NFE2L2: variants seen among roughly 807,000 people sequenced by gnomAD.
NFE2L2 encodes the protein nuclear factor erythroid 2-related factor 2.
In NFE2L2, 20 loss-of-function variants were observed where a neutral mutation model predicts 49.6. The observed-to-expected ratio is 0.40, with a 90% CI of 0.28 to 0.59. The LOEUF (loss-of-function observed/expected upper bound fraction) is 0.59, where lower values mean the gene tolerates loss of function less well. Among genes scored for constraint, NFE2L2 ranks in the 20% least tolerant of loss-of-function variants. NFE2L2 has a pLI of 0.40. For missense variants in NFE2L2, 578 were observed against 714.2 expected (o/e 0.81, Z 2.17); for synonymous variants, 244 against 256.5 (o/e 0.95, Z 0.47).
chr2:177,244,832 A>G (rs541746997), intron 1 of NFE2L2, among the ~76,000 whole-genome samples: 7 of 151,622 alleles, frequency 4.6e-5, no homozygotes, highest in Non-Finnish European at 8.8e-5. Flanking sequence ...GTGAAACCCC[A>G]TCTCTACTAA....
At chr2:177,247,102 G>A (rs1016055062) in intron 1 of NFE2L2, among the ~76,000 whole-genome samples, 4 of 152,074 alleles carry the variant, frequency 2.6e-5, no homozygotes, top group Admixed American at 2.0e-4. Context: ...ATACTTAAAA[G>A]TGGAGTTGCT....
At position 177,233,237 on chromosome 2, in the gene NFE2L2, T is replaced by C. The variant is rs191231706; in HGVS notation, c.402+13A>G. 8.4e-5 allele frequency: 132 copies of C among 1,577,944 alleles called. No individual in the cohort carries two copies. In the East Asian group the frequency reaches 2.3e-3, roughly 28 times the overall value. On this transcript the variant is annotated intron_variant, in intron 3 of 4. Transcript: ENST00000397062. ...TGGAGTTTTTCTATTAACCAGGTTA[T>C]TTTATACCTCACCTCATTGTCATCT...
chr2:177,236,431 A>G (rs1026837738), intron 1 of NFE2L2, among the ~76,000 whole-genome samples: 2 of 152,250 alleles, frequency 1.3e-5, no homozygotes, highest in Non-Finnish European at 2.9e-5. Context: ...ATACCTCACT[A>G]GGACATACCT....
chr2:177,235,995 A>G (rs1689735869), intron 1 of NFE2L2, among the ~76,000 whole-genome samples: 1 of 152,236 alleles, frequency 6.6e-6, no homozygotes, highest in South Asian at 2.1e-4. Flanking sequence ...CATTCCACAA[A>G]TCACCTATAG....
Position 177,230,820 on chromosome 2 carries a change from G to T in NFE2L2, c.1783C>A (p.Pro595Thr). The T allele has an allele frequency of 6.3e-7, 1 of 1,591,012 alleles. No individual in the cohort carries two copies. The highest frequency in any genetic ancestry group is 1.2e-5 in the South Asian group (1 of 85,644). The change falls in exon 5 of 5, where the codon CCC becomes ACC. Residue 595 changes from proline (P) to threonine (T), a missense_variant. By Grantham distance (38) the Pro-to-Thr change is conservative. Transcript: ENST00000397062. ...TTAACATCTGGCTTCTTACTTTTGG[G>T]AACAAGGAAAACATTGCCATCTCTT... ...QTRDGNVFLV[P>T]KSKKPDVKKN
chr2:177,264,308 G>A, intron 1 of NFE2L2: 2 of 487,312 alleles, frequency 4.1e-6, no homozygotes, highest in South Asian at 3.0e-5. Context: ...CTTCCCACCC[G>A]TTCGCCCTCG....
Position 177,230,833 on chromosome 2 carries a change from A to G in NFE2L2, c.1770T>C (p.Asn590=). Residue 590 remains asparagine (N), a synonymous_variant, in exon 5 of 5, where the codon AAT becomes AAC. Coordinates refer to ENST00000397062, the MANE Select transcript of NFE2L2 (RefSeq NM_006164.5). ...EYSLQQTRDG[N]VFLVPKSKKP... ...TCTTACTTTTGGGAACAAGGAAAAC[A>G]TTGCCATCTCTTGTTTGCTGCAGGG... 2.5e-6 allele frequency: 4 copies of G among 1,595,814 alleles called. No individual in the cohort carries two copies. The highest frequency in any genetic ancestry group is 1.8e-5 in the Admixed American group (1 of 54,590).
chr2:177,260,221 C>A (rs1186906181), intron 1 of NFE2L2, among the ~76,000 whole-genome samples: 1 of 152,128 alleles, frequency 6.6e-6, no homozygotes, highest in Non-Finnish European at 1.5e-5. Flanking sequence ...GAGATGAAGA[C>A]AAGCAGGTTA....
Position 177,230,974 on chromosome 2 carries a change from TTTTTC to T in NFE2L2, c.1624_1628del (p.Glu542ArgfsTer4). On this transcript the variant is annotated frameshift_variant, in exon 5 of 5. Coordinates refer to ENST00000397062, the MANE Select transcript of NFE2L2 (RefSeq NM_006164.5). LOFTEE classifies it high-confidence loss of function. ...GGTGAAGGCTTTTGTCATTTTCTCC[TTTTTC>T]TTTGAGCAATTTTTCTTTTTCATCT... 6.2e-7 allele frequency: 1 copy of T among 1,609,500 alleles called. No individual in the cohort carries two copies. Among genetic ancestry groups the T allele is most frequent in the Non-Finnish European group, 8.5e-7 (1 of 1,178,946 alleles).
chr2:177,241,046 G>A (rs1285035412), intron 1 of NFE2L2, among the ~76,000 whole-genome samples: 1 of 151,982 alleles, frequency 6.6e-6, no homozygotes, highest in Admixed American at 6.6e-5. Context: ...GAAGGTGGTG[G>A]GAGATTTCCT....
At chr2:177,247,272 C>T (rs1040263278) in intron 1 of NFE2L2, among the ~76,000 whole-genome samples, 1 of 152,110 alleles carries the variant, frequency 6.6e-6, no homozygotes, top group Non-Finnish European at 1.5e-5. Context: ...AATAAATACA[C>T]ATTAACTGCT....
chr2:177,256,766 G>A (rs1054099683), intron 1 of NFE2L2, among the ~76,000 whole-genome samples: 2 of 152,194 alleles, frequency 1.3e-5, no homozygotes, highest in East Asian at 1.9e-4. Flanking sequence ...AAGGGGCAAC[G>A]GTCAAAGACA....
chr2:177,231,082 A>G lies in NFE2L2; in HGVS notation c.1521T>C (p.Asn507=), dbSNP rs1420723192. ...TTCTGCAATTCTGAGCAGCCACTTT[A>G]TTCTTACCCCTCCTACGTATATCCC... is the stretch of plus-strand genomic sequence containing the variant. ...LIRDIRRRGK[N]KVAAQNCRKR... Residue 507 remains asparagine (N), a synonymous_variant, in exon 5 of 5, where the codon AAT becomes AAC. Coordinates refer to ENST00000397062, the MANE Select transcript of NFE2L2 (RefSeq NM_006164.5). 1.2e-6 allele frequency: 2 copies of G among 1,613,946 alleles called. No individual in the cohort carries two copies. The highest frequency in any genetic ancestry group is 1.7e-6 in the Non-Finnish European group (2 of 1,180,042).
At chr2:177,255,247 G>A (rs1201972010) in intron 1 of NFE2L2, among the ~76,000 whole-genome samples, 1 of 152,212 alleles carries the variant, frequency 6.6e-6, no homozygotes, top group Non-Finnish European at 1.5e-5. Flanking sequence ...AGAGATATGA[G>A]CTTCCCCCAA....
At chr2:177,244,167 G>A (rs1690038605) in intron 1 of NFE2L2, among the ~76,000 whole-genome samples, 1 of 151,920 alleles carries the variant, frequency 6.6e-6, no homozygotes, top group African/African-American at 2.4e-5. Context: ...CAGGCATGGT[G>A]GCGGGTGCCT....
rs769853699 is a variant in NFE2L2, at chr2:177,233,171, A to C, written c.402+79T>G. ...TATTCTTTTAAATGGAGATTCATTG[A>C]CGGGACTTACATAGAATAGATTGTT... On this transcript the variant is annotated intron_variant, in intron 3 of 4. Coordinates refer to ENST00000397062, the MANE Select transcript of NFE2L2 (RefSeq NM_006164.5). 3 of 1,170,994 alleles carry C rather than the reference A, an allele frequency of 2.6e-6. No homozygotes were observed. In the South Asian group the frequency reaches 4.4e-5, roughly 17 times the overall value. The allele number at this position is 1,170,994 out of a possible 1,614,324, so 72.5% of individuals were successfully genotyped here.
At chr2:177,255,181 A>G (rs1353339744) in intron 1 of NFE2L2, among the ~76,000 whole-genome samples, 1 of 152,206 alleles carries the variant, frequency 6.6e-6, no homozygotes, top group Admixed American at 6.5e-5. Context: ...TAGGCGAGTC[A>G]TGTCTACCCG....
chr2:177,248,844 C>T (rs1030973584), intron 1 of NFE2L2, among the ~76,000 whole-genome samples: 3 of 152,188 alleles, frequency 2.0e-5, no homozygotes, highest in Non-Finnish European at 4.4e-5. Context: ...TCAGCCCTTT[C>T]AGGCAGATCA....
At chr2:177,240,416 A>G (rs2364720) in intron 1 of NFE2L2, among the ~76,000 whole-genome samples, 130,991 of 152,188 alleles carry the variant, frequency 0.86, 56,517 homozygotes, top group Non-Finnish European at 0.9. Context: ...AGCACTGGCC[A>G]GGAGCCTTTG....
Sources: gnomAD v4.1 joint callset for allele counts (sites outside exome capture counted in the v4.1 genomes callset) on GRCh38, gnomAD v4.1.1 for gene constraint, MANE v1.5 for transcripts, NCBI Gene and HGNC (gene_info 2026-07-23, HGNC 2026-07-21) for gene names.